The following RANBP2 variants were observed in gnomAD, a reference collection of about 807,000 sequenced individuals.
RANBP2 encodes the protein RAN binding protein 2.
A neutral mutation model predicts 303.6 loss-of-function variants in RANBP2; 57 were observed. The observed-to-expected ratio is 0.19, with a 90% confidence interval of 0.15 to 0.23. The LOEUF (loss-of-function observed/expected upper bound fraction) is 0.23, where lower values mean the gene tolerates loss of function less well. Ranked by LOEUF, RANBP2 falls within the 10% of genes least tolerant of loss-of-function variation. The probability of loss-of-function intolerance (pLI) is 1.00; values close to 1 mark genes in which losing one functional copy is unlikely to be tolerated. For synonymous variants in RANBP2, 1,167 were observed against 1,301.5 expected (o/e 0.90, Z 2.23); for missense variants, 3,138 against 3,780.8 (o/e 0.83, Z 4.46).
intron 3 of RANBP2, among the ~76,000 whole-genome samples, chr2:108,731,116 C>T (rs1169456185): frequency 1.3e-5 from 2 of 152,116 alleles, no homozygotes; most frequent in Non-Finnish European, 2.9e-5. Context: ...ATTCAAATGA[C>T]ACAAATATAA....
At chr2:108,846,411 T>C in the RANBP2 span, among the ~76,000 whole-genome samples, 2 of 152,064 alleles carry the variant, frequency 1.3e-5, no homozygotes, top group African/African-American at 4.8e-5. Context: ...GCACAGTGGC[T>C]CATGATCCTG....
At chr2:109,313,230 G>A in the RANBP2 span, among the ~76,000 whole-genome samples, 1 of 152,198 alleles carries the variant, frequency 6.6e-6, no homozygotes, top group Non-Finnish European at 1.5e-5. Context: ...CCTTGACACC[G>A]GCATGATATC....
At chr2:109,216,962 A>G in the RANBP2 span, among the ~76,000 whole-genome samples, 1 of 152,114 alleles carries the variant, frequency 6.6e-6, no homozygotes, top group African/African-American at 2.4e-5. Flanking sequence ...TCCACCCTCC[A>G]GGCCCTGGCA....
chr2:108,887,404 G>A, the RANBP2 span, among the ~76,000 whole-genome samples: 1 of 152,048 alleles, frequency 6.6e-6, no homozygotes, highest in Non-Finnish European at 1.5e-5. Flanking sequence ...TTTTGATTCT[G>A]TGAAAAGTGA....
the RANBP2 span, among the ~76,000 whole-genome samples, chr2:108,958,888 G>C: frequency 6.6e-6 from 1 of 152,196 alleles, no homozygotes; most frequent in Admixed American, 6.5e-5. Flanking sequence ...CCAAGTTTGG[G>C]GCAGGTGACA....
chr2:109,215,094 C>T, the RANBP2 span, among the ~76,000 whole-genome samples: 11 of 152,194 alleles, frequency 7.2e-5, no homozygotes, highest in South Asian at 2.1e-4. Flanking sequence ...TTCAGTGGGA[C>T]GACTAACCTC....
chr2:109,097,247 T>A, the RANBP2 span, among the ~76,000 whole-genome samples: 14 of 152,152 alleles, frequency 9.2e-5, 1 homozygote, highest in South Asian at 2.9e-3. Flanking sequence ...GAGGTTGCAG[T>A]GAGGTGAGAT....
At chr2:109,230,495 G>A in the RANBP2 span, among the ~76,000 whole-genome samples, 44 of 152,240 alleles carry the variant, frequency 2.9e-4, no homozygotes, top group African/African-American at 9.4e-4. Flanking sequence ...CAGGAGAATT[G>A]CTTGAACCTA....
chr2:109,553,591 G>A, the RANBP2 span, among the ~76,000 whole-genome samples: 6 of 148,946 alleles, frequency 4.0e-5, 1 homozygote, highest in African/African-American at 1.5e-4. Context: ...GGTGGCTCAC[G>A]CCTGTAATCC....
the RANBP2 span, among the ~76,000 whole-genome samples, chr2:109,413,770 A>G: frequency 6.6e-6 from 1 of 152,168 alleles, no homozygotes; most frequent in African/African-American, 2.4e-5. Flanking sequence ...CTCTGTTACT[A>G]ACTATGGCAG....
chr2:109,333,829 T>C, the RANBP2 span, among the ~76,000 whole-genome samples: 1 of 152,148 alleles, frequency 6.6e-6, no homozygotes, highest in African/African-American at 2.4e-5. Context: ...ATGGAGATAA[T>C]AATATCTCCA....
the RANBP2 span, among the ~76,000 whole-genome samples, chr2:109,491,408 T>A: frequency 2.4e-4 from 37 of 152,178 alleles, no homozygotes; most frequent in Non-Finnish European, 4.7e-4. Context: ...CAAGTCTATA[T>A]CCCTTGAATT....
the RANBP2 span, among the ~76,000 whole-genome samples, chr2:109,134,052 A>T: frequency 1.3e-5 from 2 of 152,156 alleles, no homozygotes; most frequent in African/African-American, 4.8e-5. Flanking sequence ...CGACAGTTGA[A>T]CTGCTTATAT....
chr2:109,159,638 G>T, the RANBP2 span, among the ~76,000 whole-genome samples: 2 of 152,334 alleles, frequency 1.3e-5, no homozygotes, highest in East Asian at 3.9e-4. Flanking sequence ...TAGGAACTGG[G>T]TTGCACAGCA....
chr2:108,735,625 G>A lies in RANBP2; in HGVS notation c.499G>A (p.Val167Met). The A allele has an allele frequency of 6.3e-7, 1 of 1,597,618 alleles. No homozygotes were observed. Among genetic ancestry groups the A allele is most frequent in the South Asian group, 1.1e-5 (1 of 90,992 alleles). Residue 167 changes from valine (V) to methionine (M), a missense_variant, in exon 5 of 29, where the codon GTG (valine) becomes ATG (methionine). Coordinates refer to ENST00000283195, the MANE Select transcript of RANBP2 (RefSeq NM_006267.5). ...TTATGTAAGACCTGATGACGTCCAT[G>A]TGAACATCCGGCTAGTGGAGGTGTA... The part of the protein sequence containing the change: ...ELYVRPDDVH[V>M]NIRLVEVYRS...
the RANBP2 span, among the ~76,000 whole-genome samples, chr2:108,948,718 C>G: frequency 1.3e-5 from 2 of 152,292 alleles, no homozygotes; most frequent in Non-Finnish European, 2.9e-5. Context: ...GGGAAAACTG[C>G]TCCCATGATC....
At chr2:108,859,353 G>C in the RANBP2 span, among the ~76,000 whole-genome samples, 1 of 152,082 alleles carries the variant, frequency 6.6e-6, no homozygotes, top group Non-Finnish European at 1.5e-5. Flanking sequence ...TAGGTTGTCT[G>C]TTTACTCTGT....
the RANBP2 span, among the ~76,000 whole-genome samples, chr2:108,997,246 C>G: frequency 1.1e-4 from 16 of 151,758 alleles, no homozygotes; most frequent in Non-Finnish European, 2.2e-4. Context: ...TCGAGACCAA[C>G]CTGGCTAACA....
the RANBP2 span, among the ~76,000 whole-genome samples, chr2:108,947,432 A>T: frequency 6.6e-6 from 1 of 151,580 alleles, no homozygotes; most frequent in Non-Finnish European, 1.5e-5. Context: ...CCCAGTGGGG[A>T]CTCTGTGTGG....
Sources: gnomAD v4.1 joint callset for allele counts (sites outside exome capture counted in the v4.1 genomes callset) on GRCh38, gnomAD v4.1.1 for gene constraint, MANE v1.5 for transcripts, NCBI Gene and HGNC (gene_info 2026-07-23, HGNC 2026-07-21) for gene names.